SHE: variants seen among roughly 807,000 people sequenced by gnomAD.
SHE encodes the protein Src homology 2 domain containing E, also known as SH2 domain-containing adapter protein E.
Under a neutral mutation model 49.8 loss-of-function variants are expected in SHE, and 11 were observed. The observed-to-expected ratio is 0.22, with a 90% CI of 0.14 to 0.37. The LOEUF (loss-of-function observed/expected upper bound fraction) is 0.37. Ranked by LOEUF, SHE falls within the 10% of genes least tolerant of loss-of-function variation. The probability of loss-of-function intolerance (pLI) is 1.00; values close to 1 mark genes in which losing one functional copy is unlikely to be tolerated. For missense variants in SHE, 624 were observed against 655.5 expected (o/e 0.95, Z 0.52); for synonymous variants, 310 against 278.1 (o/e 1.11, Z -1.14).
chr1:154,475,179 C>T (rs961280231), downstream of SHE, among the ~76,000 whole-genome samples: 1 of 152,072 alleles, frequency 6.6e-6, no homozygotes, highest in South Asian at 2.1e-4. Flanking sequence ...TGTTGAGCAC[C>T]TCTGCAATGT....
chr1:154,470,431 T>C, intron 1 of SHE: 3 of 1,270,688 alleles, frequency 2.4e-6, no homozygotes, highest in Non-Finnish European at 3.1e-6. Context: ...CCTTATTTAC[T>C]GAGGCACAGG....
rs767668021 is a variant in SHE, at chr1:154,501,871, C to A, written c.156G>T (p.Val52=). 4 of 1,535,064 alleles carry A rather than the reference C, an allele frequency of 2.6e-6. No homozygotes were observed. Among genetic ancestry groups the A allele is most frequent in the South Asian group, 1.2e-5 (1 of 84,186 alleles). Residue 52 remains valine, a synonymous_variant, in exon 1 of 6, where the codon GTG becomes GTT. Coordinates refer to ENST00000304760, the MANE Select transcript of SHE (RefSeq NM_001010846.3). ...FKEFPLNLKT[V]SERAKPGGGG... The stretch of plus-strand genomic sequence containing the variant: ...CGCCCCCGGGCTTGGCCCGCTCCGA[C>A]ACGGTCTTCAGGTTCAGGGGGAACT...
Position 154,483,098 on chromosome 1 carries a change from C to T in SHE, c.*1051G>A, listed in dbSNP as rs1692066139. On this transcript the variant is annotated 3_prime_UTR_variant, in exon 6 of 6. Coordinates refer to ENST00000304760, the MANE Select transcript of SHE (RefSeq NM_001010846.3). ...ATTCAGAAATGAAATTTTTGTTGTA[C>T]CTTTTATTCTATAATTCAGAATTCT... 1 of 984,748 alleles carries T rather than the reference C, an allele frequency of 1.0e-6. No homozygotes were observed. Among genetic ancestry groups the T allele is most frequent in the Admixed American group, 6.2e-5 (1 of 16,248 alleles). 61.0% of individuals were successfully genotyped at this position (984,748 alleles called of 1,614,324 possible). A position where few individuals can be genotyped will look rare whatever the true frequency, so the allele number is the denominator to read the frequency against.
chr1:154,478,345 C>T (rs550839636), downstream of SHE, among the ~76,000 whole-genome samples: 1 of 151,674 alleles, frequency 6.6e-6, no homozygotes, highest in South Asian at 2.1e-4. Context: ...TCAGTCACCA[C>T]TCCCAAGGCC....
chr1:154,488,850 A>G (rs1408434652), intron 3 of SHE, among the ~76,000 whole-genome samples: 1 of 152,126 alleles, frequency 6.6e-6, no homozygotes, highest in Non-Finnish European at 1.5e-5. Flanking sequence ...TCCTAAAGTG[A>G]CTTGGATTAC....
chr1:154,471,538 C>T (rs970516387), intron 1 of SHE, among the ~76,000 whole-genome samples: 15 of 151,902 alleles, frequency 9.9e-5, no homozygotes, highest in Admixed American at 8.5e-4. Context: ...TGTGCTACTG[C>T]GCTCCACCCT....
Position 154,488,836 on chromosome 1 carries a change from C to T in SHE, c.1024+215G>A, listed in dbSNP as rs547962041. The stretch of plus-strand genomic sequence containing the variant: ...TCCTGGGGTCAAGTGATCCGCCTGC[C>T]TTCTCCTAAAGTGACTTGGATTACA... On this transcript the variant is annotated intron_variant, in intron 3 of 5. Coordinates refer to ENST00000304760, the MANE Select transcript of SHE (RefSeq NM_001010846.3). Among the ~76,000 whole-genome samples, 7 of 152,356 alleles carry T rather than the reference C, an allele frequency of 4.6e-5. No individual in the cohort carries two copies. The East Asian group carries it at 1.3e-3, about 29-fold the overall frequency.
chr1:154,470,430 C>G (rs1032169803), intron 1 of SHE: 1 of 1,273,918 alleles, frequency 7.8e-7, no homozygotes. Flanking sequence ...TCCTTATTTA[C>G]TGAGGCACAG....
intron 3 of SHE, among the ~76,000 whole-genome samples, chr1:154,488,207 C>T (rs1272108689): frequency 6.6e-6 from 1 of 151,764 alleles, no homozygotes; most frequent in Non-Finnish European, 1.5e-5. Flanking sequence ...TCCCAAAGTG[C>T]TAGGATTACA....
chr1:154,471,997 A>G (rs944712535), intron 1 of SHE, among the ~76,000 whole-genome samples: 3 of 152,074 alleles, frequency 2.0e-5, no homozygotes, highest in Non-Finnish European at 4.4e-5. Context: ...ACATGGTGAA[A>G]CCCCATCTCT....
intron 2 of SHE, among the ~76,000 whole-genome samples, chr1:154,493,412 T>G (rs1692427365): frequency 6.6e-6 from 1 of 152,164 alleles, no homozygotes; most frequent in East Asian, 1.9e-4. Context: ...CGTGCAGAGC[T>G]GGCTCCAAGA....
Position 154,501,547 on chromosome 1 carries a change from G to T in SHE, c.480C>A (p.Asn160Lys), listed in dbSNP as rs1692749531. The change falls in exon 1 of 6, where the codon AAC becomes AAA. Residue 160 changes from asparagine to lysine, a missense_variant. Physicochemically the swap from Asn to Lys is moderately conservative, Grantham distance 94. This residue lies in a region of SHE where 337 missense variants were observed against 306.0 expected (regional missense o/e 1.10). Coordinates refer to ENST00000304760, the MANE Select transcript of SHE (RefSeq NM_001010846.3). ...VDTQEKNGKS[N>K]YPSSSSSSSS... ...AGCTGGAGCTACTGCTGCTGGGGTA[G>T]TTGCTCTTCCCGTTCTTCTCCTGAG... 1 of 1,614,126 alleles carries T rather than the reference G, an allele frequency of 6.2e-7. No individual in the cohort carries two copies. Among genetic ancestry groups the T allele is most frequent in the East Asian group, 2.2e-5 (1 of 44,880 alleles).
At chr1:154,493,421 G>C (rs757986566) in intron 2 of SHE, among the ~76,000 whole-genome samples, 14 of 152,198 alleles carry the variant, frequency 9.2e-5, no homozygotes, top group Non-Finnish European at 1.3e-4. Context: ...CTGGCTCCAA[G>C]AGGAAACGAG....
intron 3 of SHE, 48 bp from the exon 4 acceptor site, chr1:154,486,731 T>C (rs1239051010): frequency 2.3e-5 from 37 of 1,594,788 alleles, no homozygotes; most frequent in Non-Finnish European, 3.1e-5. Flanking sequence ...CGGTGACCCA[T>C]GTAAACTTCA....
rs748446807 is a variant in SHE, at chr1:154,499,187, C to G, written c.643G>C (p.Gly215Arg). 6.2e-7 allele frequency: 1 copy of G among 1,614,092 alleles called. No individual in the cohort carries two copies. The highest frequency in any genetic ancestry group is 1.1e-5 in the South Asian group (1 of 91,078). ...ADPYDAKRTK[G>R]QRDAERVGEN... ...CCGACTCTCTCTGCATCCCTTTGAC[C>G]CTTTGTCCGTTTGGCATCATAAGGG... Residue 215 changes from glycine to arginine, a missense_variant, in exon 2 of 6, where the codon GGT becomes CGT. Physicochemically the swap from Gly to Arg is moderately radical, Grantham distance 125 (BLOSUM62 -2). Around this residue, in one of 4 missense-constraint regions of SHE, gnomAD observed 337 missense variants for 306.0 expected, o/e 1.10. Coordinates refer to ENST00000304760, the MANE Select transcript of SHE (RefSeq NM_001010846.3).
rs1257027983 is a variant in SHE at position 154,488,415 on chromosome 1, C to G, written c.1024+636G>C. Among the ~76,000 whole-genome samples, 11 of 152,014 alleles carry G rather than the reference C, an allele frequency of 7.2e-5. No individual in the cohort carries two copies. The East Asian group carries it at 1.7e-3, about 24-fold the overall frequency. On this transcript the variant is annotated intron_variant, in intron 3 of 5. Transcript: ENST00000304760. ...CTGGGACTACAGGTGTACGCCACCA[C>G]GTCCAGCTAATTTTTGTATTTTTAG...
At chr1:154,497,903 G>A (rs1395894916) in intron 2 of SHE, among the ~76,000 whole-genome samples, 2 of 151,804 alleles carry the variant, frequency 1.3e-5, no homozygotes, top group South Asian at 2.1e-4. Flanking sequence ...GGCTGATCTC[G>A]AACTCCCGAC....
Position 154,482,597 on chromosome 1 carries a change from C to A in SHE, c.*1552G>T. On this transcript the variant is annotated 3_prime_UTR_variant, in exon 6 of 6. Transcript: ENST00000304760. ...TTGCATATGGGGCAGTTTTGAGACC[C>A]AAATGACCAACCCCAGAATACAGAC... is the stretch of plus-strand genomic sequence containing the variant. 2 of 985,370 alleles carry A rather than the reference C, an allele frequency of 2.0e-6. No individual in the cohort carries two copies. Among genetic ancestry groups the A allele is most frequent in the Non-Finnish European group, 2.4e-6 (2 of 829,928 alleles). The allele number at this position is 985,370 out of a possible 1,614,324, so 61.0% of individuals were successfully genotyped here. A position where few individuals can be genotyped will look rare whatever the true frequency, so the allele number is the denominator to read the frequency against.
downstream of SHE, among the ~76,000 whole-genome samples, chr1:154,477,890 C>CA (rs35912019): frequency 0.16 from 16,535 of 104,132 alleles, 1,254 homozygotes; most frequent in Middle Eastern, 0.19. Context: ...GACACTGTCT[C>CA]AAAAAAAAAA....
Sources: allele counts gnomAD v4.1 joint callset (sites outside exome capture counted in the v4.1 genomes callset), GRCh38; gene constraint gnomAD v4.1.1; regional missense constraint gnomAD v4.1.1; transcripts MANE v1.5; gene names NCBI Gene and HGNC (gene_info 2026-07-23, HGNC 2026-07-21).